The following STX18 variants were observed in gnomAD, a reference collection of about 807,000 sequenced individuals.
STX18 encodes the protein syntaxin-18.
STX18 carries 40 observed loss-of-function variants against 50.1 expected under a neutral mutation model. The observed-to-expected ratio is 0.80, with a 90% CI of 0.62 to 1.04. The LOEUF (loss-of-function observed/expected upper bound fraction) is 1.04, where lower values mean the gene tolerates loss of function less well. STX18 is among the 50% of genes least tolerant of loss of function. The pLI is 0.00. For synonymous variants in STX18, 158 were observed against 151.8 expected (o/e 1.04, Z -0.30); for missense variants, 410 against 415.8 (o/e 0.99, Z 0.12).
chr4:4,489,744 A>C (rs1470602516), intron 1 of STX18, among the ~76,000 whole-genome samples: 1 of 152,164 alleles, frequency 6.6e-6, no homozygotes, highest in Non-Finnish European at 1.5e-5. Flanking sequence ...AACACAAAAT[A>C]ATCACTCCGT....
rs188419459 is a variant in STX18 at position 4,486,453 on chromosome 4, T to C, written c.169-14747A>G. Among the ~76,000 whole-genome samples the C allele has an allele frequency of 4.3e-4, 66 of 152,370 alleles. 1 individual carries two copies. Among genetic ancestry groups the C allele is most frequent in the South Asian group, 3.5e-3 (17 of 4,830 alleles). ...GAATGTGGATACATTATAAATGTTT[T>C]TGAGTGAATATGCAACAAAAATGAT... On this transcript the variant is annotated intron_variant, in intron 1 of 10. Transcript: ENST00000306200.
chr4:4,485,878 C>T (rs1728678764), intron 1 of STX18, among the ~76,000 whole-genome samples: 1 of 152,288 alleles, frequency 6.6e-6, no homozygotes, highest in East Asian at 1.9e-4. Flanking sequence ...TGGTACTTTC[C>T]TGCACGGAAC....
intron 1 of STX18, among the ~76,000 whole-genome samples, chr4:4,480,488 A>C (rs1728406302): frequency 6.6e-6 from 1 of 152,198 alleles, no homozygotes; most frequent in African/African-American, 2.4e-5. Context: ...ACTCGAGGCC[A>C]GGTTAAGGAT....
intron 1 of STX18, chr4:4,507,518 G>A (rs535185055): frequency 4.6e-5 from 35 of 768,548 alleles, no homozygotes; most frequent in Non-Finnish European, 7.5e-5. Flanking sequence ...AAGCCAATTC[G>A]AAAAAGCCGC....
intron 1 of STX18, among the ~76,000 whole-genome samples, chr4:4,494,068 C>A (rs1729063143): frequency 1.3e-5 from 2 of 152,172 alleles, no homozygotes; most frequent in Non-Finnish European, 2.9e-5. Flanking sequence ...CAAAGTCTTA[C>A]ACTGGGGTCA....
intron 5 of STX18, among the ~76,000 whole-genome samples, chr4:4,444,144 G>A (rs1726263799): frequency 6.6e-6 from 1 of 152,246 alleles, no homozygotes; most frequent in Non-Finnish European, 1.5e-5. Context: ...CCATGTGGAG[G>A]TTGTTTGGCG....
intron 5 of STX18, among the ~76,000 whole-genome samples, chr4:4,441,720 C>A (rs1319594819): frequency 6.6e-6 from 1 of 152,138 alleles, no homozygotes; most frequent in Non-Finnish European, 1.5e-5. Context: ...AAAAAAACAT[C>A]ACCAGGTCCC....
At chr4:4,479,974 C>T (rs1244303430) in intron 1 of STX18, among the ~76,000 whole-genome samples, 1 of 152,136 alleles carries the variant, frequency 6.6e-6, no homozygotes, top group Non-Finnish European at 1.5e-5. Context: ...GATGAAAGTC[C>T]CATAAGCATA....
intron 1 of STX18, among the ~76,000 whole-genome samples, chr4:4,504,157 T>C (rs947254373): frequency 3.3e-5 from 5 of 152,180 alleles, no homozygotes; most frequent in Non-Finnish European, 7.4e-5. Flanking sequence ...ACAGCGTTTG[T>C]AAAGGCTGTG....
At chr4:4,528,412 T>C (rs991687362) in intron 1 of STX18, among the ~76,000 whole-genome samples, 1 of 152,104 alleles carries the variant, frequency 6.6e-6, no homozygotes, top group African/African-American at 2.4e-5. Context: ...TAAAAGAGTC[T>C]GGGACCTCCC....
chr4:4,443,588 G>A (rs6446647), intron 5 of STX18, among the ~76,000 whole-genome samples: 53,357 of 152,052 alleles, frequency 0.35, 12,941 homozygotes, highest in African/African-American at 0.69. Flanking sequence ...ACCTATGAAG[G>A]TATTACAAGA....
rs1420632183 is a variant in STX18 at position 4,419,963 on chromosome 4, TG to T, written c.*70del. ...ATCTGGTCATACCATGCTCCAGCAC[TG>T]GAAGTACATGAAAGCACGCAGTCTG... is the stretch of plus-strand genomic sequence containing the variant. On this transcript the variant is annotated 3_prime_UTR_variant, in exon 11 of 11. Transcript: ENST00000306200. The T allele has an allele frequency of 9.3e-6, 12 of 1,291,626 alleles. 1 individual carries two copies. The South Asian group carries it at 1.5e-4, about 16-fold the overall frequency. The allele number at this position is 1,291,626 out of a possible 1,614,324, so 80.0% of individuals were successfully genotyped here.
intron 2 of STX18, 36 bp downstream of exon 2, chr4:4,471,603 A>C (rs746503431): frequency 7.1e-7 from 1 of 1,407,370 alleles, no homozygotes. Context: ...AAAAGAACAC[A>C]GTCACCAAAG....
intron 1 of STX18, among the ~76,000 whole-genome samples, chr4:4,511,363 T>C (rs772034611): frequency 6.6e-6 from 1 of 152,232 alleles, no homozygotes; most frequent in Non-Finnish European, 1.5e-5. Flanking sequence ...TGTTTTGTTC[T>C]ATGAAACTGA....
chr4:4,460,498 A>C (rs954309981), intron 2 of STX18, among the ~76,000 whole-genome samples: 3 of 152,048 alleles, frequency 2.0e-5, no homozygotes, highest in Non-Finnish European at 4.4e-5. Flanking sequence ...AGGCCCTTCT[A>C]AAAAAGAAAG....
intron 9 of STX18, among the ~76,000 whole-genome samples, chr4:4,422,261 C>T (rs969701791): frequency 2.0e-5 from 3 of 152,070 alleles, no homozygotes; most frequent in African/African-American, 7.2e-5. Context: ...CACATTGTTC[C>T]TCAGGACTTA....
chr4:4,494,646 A>C (rs1468418987), intron 1 of STX18, among the ~76,000 whole-genome samples: 2 of 151,870 alleles, frequency 1.3e-5, no homozygotes, highest in Non-Finnish European at 2.9e-5. Flanking sequence ...CTGATGCAAA[A>C]ATAACAATAT....
chr4:4,542,083 G>A (rs948901409), upstream of STX18: 2 of 1,242,430 alleles, frequency 1.6e-6, no homozygotes, highest in East Asian at 3.1e-5. Flanking sequence ...CGGCAACGGC[G>A]ACGCGAGAAG....
rs773707590 is a variant in STX18, at chr4:4,457,191, A to C, written c.497T>G (p.Leu166Ter). ...RVKRVVDKKR[L>*]SKLEPEPNTK... Reference sequence around the variant, plus strand: ...AAACACCAATGAAAGCAATACTTACAATCTTTTCTTATCCACCACTCTTTT... The same window carrying C: ...AAACACCAATGAAAGCAATACTTACCATCTTTTCTTATCCACCACTCTTTT... The change falls in exon 5 of 11, where the codon TTA becomes TGA. Residue 166 changes from leucine (L) to a stop codon, truncating the protein, a stop_gained and splice_region_variant. Transcript: ENST00000306200. LOFTEE classifies it high-confidence loss of function. 1 of 1,613,294 alleles carries C rather than the reference A, an allele frequency of 6.2e-7. No individual in the cohort carries two copies. Among genetic ancestry groups the C allele is most frequent in the South Asian group, 1.1e-5 (1 of 91,058 alleles).
Sources: allele counts gnomAD v4.1 joint callset (sites outside exome capture counted in the v4.1 genomes callset), GRCh38; gene constraint gnomAD v4.1.1; transcripts MANE v1.5; gene names NCBI Gene and HGNC (gene_info 2026-07-23, HGNC 2026-07-21).